FAM72D: variants seen among roughly 807,000 people sequenced by gnomAD.
The protein encoded by FAM72D is RUMY family member 4.
For missense variants in FAM72D, 9 were observed against 104.7 expected (o/e 0.09, Z 3.99); for synonymous variants, 4 against 35.1 (o/e 0.11, Z 3.13).
Position 145,107,490 on chromosome 1 carries a change from C to T in FAM72D, c.356-4013C>T, listed in dbSNP as rs587717412. 2.1e-3 allele frequency among the ~76,000 whole-genome samples: 269 copies of T among 126,200 alleles called. 1 individual carries two copies. Among genetic ancestry groups the T allele is most frequent in the Non-Finnish European group, 3.5e-3 (207 of 59,850 alleles). The allele number at this position is 126,200 out of a possible 152,430, so 82.8% of individuals were successfully genotyped here. A position where few individuals can be genotyped will look rare whatever the true frequency, so the allele number is the denominator to read the frequency against. On this transcript the variant is annotated intron_variant, in intron 3 of 3. Transcript: ENST00000400889. ...CTGACCTCAGGGGATCCGCCTGCCTCAGCCTCCCAAAGTGCTGGGATTACA... is the reference window on the plus strand; with the variant it reads ...CTGACCTCAGGGGATCCGCCTGCCTTAGCCTCCCAAAGTGCTGGGATTACA...
At chr1:145,106,030 T>G (rs1234026449) in intron 3 of FAM72D, among the ~76,000 whole-genome samples, 1 of 144,486 alleles carries the variant, frequency 6.9e-6, no homozygotes, top group African/African-American at 2.6e-5. Context: ...AGCTAGATCT[T>G]CTGGATAACT....
intron 3 of FAM72D, among the ~76,000 whole-genome samples, chr1:145,104,080 G>A (rs1315246185): frequency 5.5e-5 from 8 of 146,326 alleles, no homozygotes; most frequent in African/African-American, 1.9e-4. Flanking sequence ...GAATTTGGGA[G>A]GTAGAGGCTG....
intron 2 of FAM72D, among the ~76,000 whole-genome samples, chr1:145,100,958 T>A (rs1421368996): frequency 6.7e-6 from 1 of 148,670 alleles, no homozygotes; most frequent in Non-Finnish European, 1.5e-5. Flanking sequence ...TTGTTTTGTT[T>A]TGAGACGGAG....
At chr1:145,102,788 A>G (rs1553638107) in intron 2 of FAM72D, among the ~76,000 whole-genome samples, 1 of 130,078 alleles carries the variant, frequency 7.7e-6, no homozygotes, top group East Asian at 2.1e-4. Context: ...AATAATAATA[A>G]TAGCAAAGAA....
chr1:145,105,596 T>G, intron 3 of FAM72D, among the ~76,000 whole-genome samples: 1 of 139,354 alleles, frequency 7.2e-6, no homozygotes, highest in African/African-American at 2.7e-5. Flanking sequence ...ACCCAGGAGG[T>G]GGAGTTTGAA....
intron 3 of FAM72D, among the ~76,000 whole-genome samples, chr1:145,103,870 C>T (rs1553638204): frequency 6.7e-6 from 1 of 149,556 alleles, no homozygotes; most frequent in African/African-American, 2.5e-5. Flanking sequence ...ACTTATTCGG[C>T]CGAGAGCAGT....
At chr1:145,104,238 G>T (rs1323105602) in intron 3 of FAM72D, among the ~76,000 whole-genome samples, 1 of 144,748 alleles carries the variant, frequency 6.9e-6, no homozygotes, top group Admixed American at 6.8e-5. Context: ...GCTGGTGGAG[G>T]GTCTTGCCTT....
At chr1:145,097,152 A>C (rs1236946959) in intron 1 of FAM72D, among the ~76,000 whole-genome samples, 153 bp downstream of exon 1, 1 of 145,476 alleles carries the variant, frequency 6.9e-6, no homozygotes, top group Non-Finnish European at 1.5e-5. Context: ...CTAAGTGGGC[A>C]GACTGTCTGG....
At chr1:145,107,009 CAG>C (rs1253356780) in intron 3 of FAM72D, among the ~76,000 whole-genome samples, 6 of 91,992 alleles carry the variant, frequency 6.5e-5, no homozygotes, top group Admixed American at 3.4e-4. Context: ...CACTTGAGGT[CAG>C]GGGTTCGAGA....
intron 2 of FAM72D, among the ~76,000 whole-genome samples, chr1:145,099,989 GGCT>G (rs1439393200): frequency 7.1e-6 from 1 of 141,560 alleles, no homozygotes; most frequent in Non-Finnish European, 1.5e-5. Context: ...ATGTTGGTCA[GGCT>G]GCTCTTGAAC....
intron 3 of FAM72D, among the ~76,000 whole-genome samples, chr1:145,107,246 CT>C (rs71270754): frequency 2.2e-4 from 29 of 133,418 alleles, no homozygotes; most frequent in East Asian, 1.3e-3. Context: ...AATACTAATT[CT>C]TTTTTTTTTT....
intron 3 of FAM72D, among the ~76,000 whole-genome samples, chr1:145,105,871 G>C (rs1253246635): frequency 2.8e-5 from 4 of 142,882 alleles, no homozygotes; most frequent in African/African-American, 7.8e-5. Flanking sequence ...AGAATGGCTT[G>C]AACCCGGGAG....
intron 2 of FAM72D, among the ~76,000 whole-genome samples, chr1:145,100,370 TC>T (rs1553637797): frequency 8.3e-6 from 1 of 120,662 alleles, no homozygotes; most frequent in Non-Finnish European, 1.7e-5. Flanking sequence ...TTGATTTCAT[TC>T]CTTTATTTAA....
chr1:145,112,489 G>A lies in FAM72D; in HGVS notation c.*892G>A, dbSNP rs1191679072. The A allele has an allele frequency of 2.0e-5, 3 of 147,024 alleles. No individual in the cohort carries two copies. The highest frequency in any genetic ancestry group is 6.6e-5 in the Admixed American group (1 of 15,098). The allele number at this position is 147,024 out of a possible 1,614,324, so 9.1% of individuals were successfully genotyped here. On this transcript the variant is annotated 3_prime_UTR_variant, in exon 4 of 4. Transcript: ENST00000400889. The stretch of plus-strand genomic sequence containing the variant: ...AGCTACAAAGGAATAGGAAAGTAGG[G>A]TAGTGTTGGATTCTGGTTTTATGTA...
intron 2 of FAM72D, among the ~76,000 whole-genome samples, chr1:145,100,950 G>A (rs1383907417): frequency 7.1e-6 from 1 of 141,652 alleles, no homozygotes; most frequent in Non-Finnish European, 1.5e-5. Flanking sequence ...CATTTTTTTT[G>A]TTTTGTTTTG....
chr1:145,096,828 C>T lies in FAM72D; in HGVS notation c.-20C>T, dbSNP rs587716497. 5.0e-6 allele frequency: 4 copies of T among 798,652 alleles called. No individual in the cohort carries two copies. Among genetic ancestry groups the T allele is most frequent in the East Asian group, 2.8e-5 (1 of 35,852 alleles). 49.5% of individuals were successfully genotyped at this position (798,652 alleles called of 1,614,324 possible). On this transcript the variant is annotated 5_prime_UTR_variant, in exon 1 of 4. Coordinates refer to ENST00000400889, the MANE Select transcript of FAM72D (RefSeq NM_207418.3). ...TGTTTCCTTTTTCAAAATCCCACAC[C>T]TCATCCTTCCTGCGACGCCATGTCC... is the stretch of plus-strand genomic sequence containing the variant.
At chr1:145,104,169 G>C (rs1481335926) in intron 3 of FAM72D, among the ~76,000 whole-genome samples, 3 of 149,376 alleles carry the variant, frequency 2.0e-5, no homozygotes, top group African/African-American at 7.6e-5. Context: ...AAAAAAAAAT[G>C]CTTTATTGCT....
At chr1:145,100,738 T>G (rs1232941687) in intron 2 of FAM72D, among the ~76,000 whole-genome samples, 2 of 150,124 alleles carry the variant, frequency 1.3e-5, no homozygotes, top group Non-Finnish European at 2.9e-5. Flanking sequence ...GCAGTCCGCC[T>G]GCCTTGGCCT....
intron 2 of FAM72D, among the ~76,000 whole-genome samples, chr1:145,100,797 G>A (rs9697686): frequency 7.3e-5 from 11 of 150,546 alleles, no homozygotes; most frequent in South Asian, 4.2e-4. Flanking sequence ...CAGCCCACCC[G>A]GCTAATTTTT....
Sources: gnomAD v4.1 joint callset for allele counts (sites outside exome capture counted in the v4.1 genomes callset) on GRCh38, gnomAD v4.1.1 for gene constraint, MANE v1.5 for transcripts, NCBI Gene and HGNC (gene_info 2026-07-23, HGNC 2026-07-21) for gene names.